Variants in RAB13 observed in about 807,000 individuals in gnomAD.
RAB13 encodes ras-related protein Rab-13.
A neutral mutation model predicts 29.3 loss-of-function variants in RAB13; 15 were observed. The observed-to-expected ratio is 0.51, with a 90% CI of 0.34 to 0.79. The LOEUF is 0.79. Ranked by LOEUF, RAB13 falls within the 30% of genes least tolerant of loss-of-function variation. The probability of loss-of-function intolerance (pLI) is 0.01; values close to 1 mark genes in which losing one functional copy is unlikely to be tolerated. For synonymous variants in RAB13, 82 were observed against 93.8 expected (o/e 0.87, Z 0.73); for missense variants, 186 against 255.5 (o/e 0.73, Z 1.85).
Position 153,982,526 on chromosome 1 carries a change from G to C in RAB13, c.480+9C>G. 1 of 1,602,370 alleles carries C rather than the reference G, an allele frequency of 6.2e-7. No individual in the cohort carries two copies. The highest frequency in any genetic ancestry group is 8.5e-7 in the Non-Finnish European group (1 of 1,173,906). On this transcript the variant is annotated intron_variant, in intron 6 of 7. Transcript: ENST00000368575. ...CTCTCTTGGTCGGGGATGGGGGTGT[G>C]GATCTCACCTCATCCACATTCATAC...
upstream of RAB13, among the ~76,000 whole-genome samples, chr1:153,989,738 C>T (rs1316947460): frequency 6.6e-6 from 1 of 151,314 alleles, no homozygotes; most frequent in East Asian, 2.0e-4. Context: ...ACTAAAAATA[C>T]AAAATTAGCC....
intron 4 of RAB13, 52 bp from the exon 5 acceptor site, chr1:153,982,860 C>T (rs1484239860): frequency 6.3e-7 from 1 of 1,576,146 alleles, no homozygotes; most frequent in African/African-American, 1.4e-5. Context: ...GGAGCGGTGG[C>T]TCACGCCTGT....
At chr1:153,983,323 A>G in intron 3 of RAB13, 27 bp from the exon 4 acceptor site, 1 of 1,603,092 alleles carries the variant, frequency 6.2e-7, no homozygotes, top group Non-Finnish European at 8.5e-7. Flanking sequence ...TTCACCTTGG[A>G]CCATGTTCCC....
At chr1:153,985,477 G>A in intron 1 of RAB13, 1 of 602,682 alleles carries the variant, frequency 1.7e-6, no homozygotes, top group Non-Finnish European at 2.1e-6. Context: ...GGAGGAGGAT[G>A]AGTCACCAGG....
chr1:153,986,008 G>C lies in RAB13; in HGVS notation c.124+105C>G. The C allele has an allele frequency of 2.6e-6, 4 of 1,528,686 alleles. No individual in the cohort carries two copies. In the South Asian group the frequency reaches 5.1e-5, roughly 19 times the overall value. The allele number at this position is 1,528,686 out of a possible 1,614,324, so 94.7% of individuals were successfully genotyped here. On this transcript the variant is annotated intron_variant, in intron 1 of 7. Coordinates refer to ENST00000368575, the MANE Select transcript of RAB13 (RefSeq NM_002870.5). Reference sequence around the variant, plus strand: ...CAGGGGTTGAGGGACTAGAATTTAGGAGCCTTACTCTAAGGGGACTGAAAA... The same window carrying C: ...CAGGGGTTGAGGGACTAGAATTTAGCAGCCTTACTCTAAGGGGACTGAAAA...
chr1:153,990,321 C>G (rs1428716139), upstream of RAB13, among the ~76,000 whole-genome samples: 1 of 152,216 alleles, frequency 6.6e-6, no homozygotes, highest in Admixed American at 6.5e-5. Context: ...CCGCCTTGGC[C>G]TCCCTAAGTG....
At position 153,984,891 on chromosome 1, in the gene RAB13, G is replaced by T. The variant is rs1649111546; in HGVS notation, c.125-110C>A. On this transcript the variant is annotated intron_variant, in intron 1 of 7. Transcript: ENST00000368575. The stretch of plus-strand genomic sequence containing the variant: ...TGCTGGCACCAGAAATTCTGCAGGG[G>T]AGGCACTTGGGGAACAATCTTGTTG... The T allele has an allele frequency of 3.5e-6, 5 of 1,412,120 alleles. No homozygotes were observed. In the East Asian group the frequency reaches 1.1e-4, roughly 31 times the overall value. The allele number at this position is 1,412,120 out of a possible 1,614,324, so 87.5% of individuals were successfully genotyped here.
In RAB13 at chr1:153,983,544, T is replaced by C; in HGVS notation, c.223A>G (p.Thr75Ala). 2 of 1,611,728 alleles carry C rather than the reference T, an allele frequency of 1.2e-6. No homozygotes were observed. Among genetic ancestry groups the C allele is most frequent in the South Asian group, 2.2e-5 (2 of 91,052 alleles). The change falls in exon 3 of 8, where the codon ACT (threonine) becomes GCT (alanine). Residue 75 changes from threonine to alanine, a missense_variant. By Grantham distance (58) the Thr-to-Ala change is moderately conservative. Coordinates refer to ENST00000368575, the MANE Select transcript of RAB13 (RefSeq NM_002870.5). ...AGQERFKTIT[T>A]AYYRGAMGII... ...ACCATGGCTCCACGGTAGTAGGCAG[T>C]AGTTATTGTCTTGAACCGCTCTTGG...
chr1:153,986,465 G>C (rs763035072), upstream of RAB13: 94 of 536,426 alleles, frequency 1.8e-4, 1 homozygote, highest in Non-Finnish European at 2.8e-4. Context: ...TGTTCTCTCG[G>C]TTTTCCCTTC....
intron 2 of RAB13, 131 bp downstream of exon 2, chr1:153,984,590 C>T (rs1290882730): frequency 1.4e-5 from 11 of 764,670 alleles, no homozygotes; most frequent in Non-Finnish European, 2.4e-5. Flanking sequence ...CGGAGAAATG[C>T]CAGAAGTGCT....
In RAB13 at chr1:153,983,177, A is replaced by G. The variant is rs755428042; in HGVS notation, c.324+42T>C. On this transcript the variant is annotated intron_variant, in intron 4 of 7. Transcript: ENST00000368575. ...ATCCTGATGGACCCCTTCATTCTCC[A>G]GGTTCTAACCAGTTTCCCCATCTCT... 28 of 1,540,800 alleles carry G rather than the reference A, an allele frequency of 1.8e-5. No homozygotes were observed. The Admixed American group carries it at 4.3e-4, about 24-fold the overall frequency.
chr1:153,985,527 C>T (rs1649136382), intron 1 of RAB13, among the ~76,000 whole-genome samples: 1 of 152,162 alleles, frequency 6.6e-6, no homozygotes. Flanking sequence ...TTTCCACGTT[C>T]CTCACCAAGC....
At chr1:153,988,294 A>AT (rs552724489), upstream of RAB13, among the ~76,000 whole-genome samples, 34,705 of 107,504 alleles carry the variant, frequency 0.32, 5,205 homozygotes, top group South Asian at 0.37. Flanking sequence ...GCCTGGCCCT[A>AT]TTTTTTTTTT....
chr1:153,986,206 A>C lies in RAB13; in HGVS notation c.31T>G (p.Leu11Val). The change falls in exon 1 of 8, where the codon TTG becomes GTG. Residue 11 changes from leucine (L) to valine (V), a missense_variant. Transcript: ENST00000368575. ...ACCCCCGAGTCCCCGATCAGCAGCA[A>C]CTTGAAGAGGTGGTCGTAGGCTTTG... Reference protein sequence around the residue: MAKAYDHLFKLLLIGDSGVGK... With the variant: MAKAYDHLFKVLLIGDSGVGK... 6.2e-7 allele frequency: 1 copy of C among 1,613,616 alleles called. No individual in the cohort carries two copies. The highest frequency in any genetic ancestry group is 8.5e-7 in the Non-Finnish European group (1 of 1,179,830).
chr1:153,983,576 GT>G lies in RAB13; in HGVS notation c.190del (p.Thr64ArgfsTer10). On this transcript the variant is annotated frameshift_variant, in exon 3 of 8. Coordinates refer to ENST00000368575, the MANE Select transcript of RAB13 (RefSeq NM_002870.5). LOFTEE classifies it high-confidence loss of function. ...TGTCTTGAACCGCTCTTGGCCAGCC[GT>G]GTCCCTAAAGAAGGAGAAGTTTTCA... ...GKKIKLQVWD[T>X]AGQERFKTIT... 6.2e-7 allele frequency: 1 copy of G among 1,608,600 alleles called. No homozygotes were observed. The highest frequency in any genetic ancestry group is 8.5e-7 in the Non-Finnish European group (1 of 1,174,962).
intron 4 of RAB13, 111 bp downstream of exon 4, chr1:153,983,106 CAA>C (rs1649047115): frequency 2.0e-6 from 2 of 978,912 alleles, no homozygotes; most frequent in Non-Finnish European, 3.2e-6. Flanking sequence ...GCCCGGGCAA[CAA>C]GAGCAAAACT....
At chr1:153,988,997 G>C (rs1571132620), upstream of RAB13, among the ~76,000 whole-genome samples, 1 of 148,630 alleles carries the variant, frequency 6.7e-6, no homozygotes, top group Non-Finnish European at 1.5e-5. Context: ...TCTGGTCACT[G>C]CAACCTCCGC....
chr1:153,988,604 ATTTTTT>A (rs1315978237), upstream of RAB13, among the ~76,000 whole-genome samples: 35 of 145,160 alleles, frequency 2.4e-4, 2 homozygotes, highest in Admixed American at 2.4e-3. Flanking sequence ...TTTTATTTTT[ATTTTTT>A]TAATTTTTAT....
intron 1 of RAB13, among the ~76,000 whole-genome samples, chr1:153,985,721 TA>T (rs1325630523): frequency 1.5e-5 from 2 of 136,444 alleles, no homozygotes; most frequent in African/African-American, 5.1e-5. Context: ...AGAAAGAGGC[TA>T]GCATCGGATC....
Sources: gnomAD v4.1 joint callset for allele counts (sites outside exome capture counted in the v4.1 genomes callset) on GRCh38, gnomAD v4.1.1 for gene constraint, MANE v1.5 for transcripts, NCBI Gene and HGNC (gene_info 2026-07-23, HGNC 2026-07-21) for gene names.